DLGAP2: variants seen among roughly 807,000 people sequenced by gnomAD.
DLGAP2 encodes disks large-associated protein 2.
A neutral mutation model predicts 100.3 loss-of-function variants in DLGAP2; 26 were observed. The observed-to-expected ratio is 0.26, with a 90% CI of 0.19 to 0.36. The LOEUF is 0.36. DLGAP2 is among the 10% of genes least tolerant of loss of function. The pLI is 1.00. For synonymous variants in DLGAP2, 886 were observed against 630.1 expected (o/e 1.41, Z -6.08); for missense variants, 1,858 against 1,453.2 (o/e 1.28, Z -4.53).
chr8:1,392,004 G>C (rs1398915915), intron 3 of DLGAP2, among the ~76,000 whole-genome samples: 1 of 152,252 alleles, frequency 6.6e-6, no homozygotes, highest in East Asian at 1.9e-4. Flanking sequence ...GTAGGACTGA[G>C]AGCGTGAAGA....
chr8:1,070,145 A>G (rs2129037120), intron 2 of DLGAP2, among the ~76,000 whole-genome samples: 1 of 152,280 alleles, frequency 6.6e-6, no homozygotes, highest in East Asian at 1.9e-4. Context: ...CATCTTGTGC[A>G]CCTCTTTGCT....
rs907976737 is a variant in DLGAP2, at chr8:1,290,144, T to A, written c.106+31261T>A. On this transcript the variant is annotated intron_variant, in intron 3 of 14. Coordinates refer to ENST00000637795, the MANE Select transcript of DLGAP2 (RefSeq NM_001346810.2). ...GAGAAGAGGCTCTGACTCTATTACATAACGTGTGACATGAGTCATCACAGG... is the reference window on the plus strand; with the variant it reads ...GAGAAGAGGCTCTGACTCTATTACAAAACGTGTGACATGAGTCATCACAGG... Among the ~76,000 whole-genome samples the A allele has an allele frequency of 3.9e-5, 6 of 152,264 alleles. No homozygotes were observed. In the South Asian group the frequency reaches 1.0e-3, roughly 26 times the overall value.
intron 2 of DLGAP2, among the ~76,000 whole-genome samples, chr8:1,040,640 G>A (rs1382685752): frequency 7.0e-6 from 1 of 143,208 alleles, no homozygotes; most frequent in African/African-American, 2.6e-5. Flanking sequence ...TTCCGTGGTT[G>A]GCTCGGTGTG....
At position 1,176,871 on chromosome 8, in the gene DLGAP2, G is replaced by T. The variant is rs543010378; in HGVS notation, c.74-81980G>T. 2.6e-5 allele frequency among the ~76,000 whole-genome samples: 4 copies of T among 152,254 alleles called. No individual in the cohort carries two copies. The South Asian group carries it at 8.3e-4, about 32-fold the overall frequency. Reference sequence around the variant, plus strand: ...ACCCTCTCATGGAGTAGCAGAGAGAGCCAAGGACTAGATATGTCACCAACT... The same window carrying T: ...ACCCTCTCATGGAGTAGCAGAGAGATCCAAGGACTAGATATGTCACCAACT... On this transcript the variant is annotated intron_variant, in intron 2 of 14. Transcript: ENST00000637795.
At chr8:849,224 G>A (rs975646981) in intron 1 of DLGAP2, among the ~76,000 whole-genome samples, 9 of 152,198 alleles carry the variant, frequency 5.9e-5, no homozygotes, top group African/African-American at 2.2e-4. Flanking sequence ...AACACGTGGT[G>A]TGTGTTCCAG....
chr8:1,366,766 G>C (rs922307157), intron 3 of DLGAP2, among the ~76,000 whole-genome samples: 1 of 152,202 alleles, frequency 6.6e-6, no homozygotes, highest in African/African-American at 2.4e-5. Flanking sequence ...TGGACCTTCT[G>C]TCTCGGGTCC....
intron 3 of DLGAP2, among the ~76,000 whole-genome samples, chr8:1,359,937 A>G (rs770621808): frequency 7.2e-5 from 11 of 152,252 alleles, no homozygotes; most frequent in Non-Finnish European, 1.0e-4. Flanking sequence ...TGACTTAAAC[A>G]GGACCGTCCT....
chr8:1,436,827 C>T (rs571964766), intron 3 of DLGAP2, among the ~76,000 whole-genome samples: 4 of 152,270 alleles, frequency 2.6e-5, no homozygotes, highest in South Asian at 4.1e-4. Flanking sequence ...CCTCTGCAGA[C>T]GTACCATTTT....
In DLGAP2 at chr8:1,378,230, C is replaced by A. The variant is rs573251032; in HGVS notation, c.106+119347C>A. Reference sequence around the variant, plus strand: ...ACCTCACCTGTGTGTCCTGCACACACCTGACCTCACCTGTCCTTGCCACAC... The same window carrying A: ...ACCTCACCTGTGTGTCCTGCACACAACTGACCTCACCTGTCCTTGCCACAC... On this transcript the variant is annotated intron_variant, in intron 3 of 14. Coordinates refer to ENST00000637795, the MANE Select transcript of DLGAP2 (RefSeq NM_001346810.2). 2.2e-3 allele frequency: 461 copies of A among 206,856 alleles called. 1 individual carries two copies. Among genetic ancestry groups the A allele is most frequent in the African/African-American group, 0.01 (422 of 41,688 alleles). 12.8% of individuals were successfully genotyped at this position (206,856 alleles called of 1,614,324 possible).
chr8:1,511,001 T>A (rs1464489813), intron 4 of DLGAP2, among the ~76,000 whole-genome samples: 2 of 152,272 alleles, frequency 1.3e-5, no homozygotes, highest in African/African-American at 4.8e-5. Flanking sequence ...TCTGTGAGAA[T>A]GTTCCATTTT....
At chr8:1,434,932 C>G (rs575185120) in intron 3 of DLGAP2, among the ~76,000 whole-genome samples, 1 of 152,164 alleles carries the variant, frequency 6.6e-6, no homozygotes, top group Non-Finnish European at 1.5e-5. Context: ...CGTGCCTGGT[C>G]TGCATGTCAC....
intron 1 of DLGAP2, chr8:822,012 C>T: frequency 2.5e-6 from 1 of 397,310 alleles, no homozygotes; most frequent in East Asian, 3.6e-5. Context: ...TTTTAATGTA[C>T]ATTCCATTTT....
At chr8:1,209,258 A>G (rs1432652978) in intron 2 of DLGAP2, among the ~76,000 whole-genome samples, 1 of 152,234 alleles carries the variant, frequency 6.6e-6, no homozygotes, top group African/African-American at 2.4e-5. Context: ...ACTATACTAT[A>G]AGGCTATAAT....
chr8:1,021,759 C>T (rs1355878240), intron 2 of DLGAP2, among the ~76,000 whole-genome samples: 1 of 152,170 alleles, frequency 6.6e-6, no homozygotes, highest in Non-Finnish European at 1.5e-5. Context: ...TGCCCATCTC[C>T]CTGTGGGACA....
chr8:1,253,624 G>C lies in DLGAP2; in HGVS notation c.74-5227G>C, dbSNP rs1033481150. On this transcript the variant is annotated intron_variant, in intron 2 of 14. Coordinates refer to ENST00000637795, the MANE Select transcript of DLGAP2 (RefSeq NM_001346810.2). ...GTTTGCTGTTCACGTGTGGAGCTCG[G>C]GGAATGAGCCGGTTCTCAGCGGGCT... Among the ~76,000 whole-genome samples, 5 of 150,110 alleles carry C rather than the reference G, an allele frequency of 3.3e-5. No individual in the cohort carries two copies. In the East Asian group the frequency reaches 7.9e-4, roughly 24 times the overall value.
In DLGAP2 at chr8:787,274, G is replaced by A. The variant is rs549773352; in HGVS notation, c.18+49449G>A. On this transcript the variant is annotated intron_variant, in intron 1 of 14. Coordinates refer to ENST00000637795, the MANE Select transcript of DLGAP2 (RefSeq NM_001346810.2). ...TAGTAACTATGGCAGAGCCTGACGC[G>A]TCTGTTCTCTCACATTTGCCTGTCG... is the stretch of plus-strand genomic sequence containing the variant. 2.6e-5 allele frequency among the ~76,000 whole-genome samples: 4 copies of A among 151,120 alleles called. No individual in the cohort carries two copies. In the South Asian group the frequency reaches 6.2e-4, roughly 24 times the overall value.
chr8:1,701,742 T>C lies in DLGAP2; in HGVS notation c.*336T>C. The C allele has an allele frequency of 2.9e-6, 1 of 348,006 alleles. No homozygotes were observed. 21.6% of individuals were successfully genotyped at this position (348,006 alleles called of 1,614,324 possible). The stretch of plus-strand genomic sequence containing the variant: ...CTGGAGCTGGAACCCAGCTTACATT[T>C]TGTTATTTCTATTTTTATAAATTGT... On this transcript the variant is annotated 3_prime_UTR_variant, in exon 15 of 15. Coordinates refer to ENST00000637795, the MANE Select transcript of DLGAP2 (RefSeq NM_001346810.2).
intron 1 of DLGAP2, chr8:738,665 C>G (rs1483736031): frequency 7.2e-6 from 1 of 139,254 alleles, no homozygotes. Flanking sequence ...TCTGCCTGCG[C>G]GCCCAGGTGG....
intron 7 of DLGAP2, among the ~76,000 whole-genome samples, chr8:1,628,002 G>A (rs997278909): frequency 2.3e-5 from 3 of 131,342 alleles, no homozygotes; most frequent in Non-Finnish European, 4.7e-5. Context: ...TTAAGAGCTT[G>A]AGCCGACCTC....
Sources: allele counts gnomAD v4.1 joint callset (sites outside exome capture counted in the v4.1 genomes callset), GRCh38; gene constraint gnomAD v4.1.1; transcripts MANE v1.5; gene names NCBI Gene and HGNC (gene_info 2026-07-23, HGNC 2026-07-21).